FTO: variants seen among roughly 807,000 people sequenced by gnomAD.
The protein encoded by FTO is alpha-ketoglutarate-dependent dioxygenase FTO.
A neutral mutation model predicts 63.9 loss-of-function variants in FTO; 47 were observed. The observed-to-expected ratio is 0.74, with a 90% CI of 0.58 to 0.94. The LOEUF (loss-of-function observed/expected upper bound fraction) is 0.94. Ranked by LOEUF, FTO falls within the 40% of genes least tolerant of loss-of-function variation. The probability of loss-of-function intolerance (pLI) is 0.00; values close to 1 mark genes in which losing one functional copy is unlikely to be tolerated. For synonymous variants in FTO, 207 were observed against 224.4 expected, an observed-to-expected ratio of 0.92 and a Z score of 0.69; for missense variants, 562 against 618.1, an observed-to-expected ratio of 0.91 and a Z score of 0.96.
At chr16:53,855,401 A>G (rs561750043) in intron 4 of FTO, among the ~76,000 whole-genome samples, 1 of 152,282 alleles carries the variant, frequency 6.6e-6, no homozygotes, top group African/African-American at 2.4e-5. Context: ...TTTTCTAAAA[A>G]TTATACCATA....
chr16:54,034,636 G>C (rs116203103), intron 8 of FTO, among the ~76,000 whole-genome samples: 205 of 152,230 alleles, frequency 1.3e-3, no homozygotes, highest in African/African-American at 4.8e-3. Flanking sequence ...TAATAGAGCT[G>C]TTCTCCTAGT....
chr16:53,794,804 A>G (rs2078018276), intron 1 of FTO, among the ~76,000 whole-genome samples: 1 of 152,172 alleles, frequency 6.6e-6, no homozygotes, highest in African/African-American at 2.4e-5. Flanking sequence ...AACACTATGG[A>G]GGGAAAGGTG....
At chr16:54,082,242 G>A (rs542869411) in intron 8 of FTO, among the ~76,000 whole-genome samples, 23 of 152,266 alleles carry the variant, frequency 1.5e-4, no homozygotes, top group African/African-American at 5.3e-4. Context: ...CAATAAACCT[G>A]TAGAAAGCAG....
chr16:53,749,162 TG>T (rs1292380000), intron 1 of FTO, among the ~76,000 whole-genome samples: 2 of 152,252 alleles, frequency 1.3e-5, no homozygotes, highest in African/African-American at 4.8e-5. Flanking sequence ...GTGTTGATTT[TG>T]TATCCTGCAG....
intron 1 of FTO, among the ~76,000 whole-genome samples, chr16:53,767,500 T>C (rs1019866092): frequency 1.3e-5 from 2 of 151,936 alleles, no homozygotes; most frequent in African/African-American, 4.8e-5. Context: ...ACTTAAAGTA[T>C]AATAAAAAAA....
intron 7 of FTO, among the ~76,000 whole-genome samples, chr16:53,918,444 A>G (rs1189612137): frequency 6.6e-6 from 1 of 152,196 alleles, no homozygotes; most frequent in Non-Finnish European, 1.5e-5. Flanking sequence ...ATGGCATGAT[A>G]ATCTTATGAG....
intron 8 of FTO, among the ~76,000 whole-genome samples, chr16:54,055,137 C>T (rs1447305868): frequency 3.9e-5 from 6 of 152,166 alleles, no homozygotes; most frequent in Admixed American, 1.3e-4. Flanking sequence ...GGCGACAGGG[C>T]CCAGGTTTGA....
intron 5 of FTO, among the ~76,000 whole-genome samples, chr16:53,878,998 A>T (rs1222523216): frequency 6.6e-6 from 1 of 152,186 alleles, no homozygotes; most frequent in Non-Finnish European, 1.5e-5. Flanking sequence ...TTGTGATTAT[A>T]ACTGCATTTT....
At chr16:53,711,251 G>A (rs2075768138) in intron 1 of FTO, 4 of 388,454 alleles carry the variant, frequency 1.0e-5, no homozygotes, top group Middle Eastern at 1.3e-3. Context: ...TCTCAAATGG[G>A]GTTCCATTAA....
chr16:54,065,180 T>C (rs1296585908), intron 8 of FTO, among the ~76,000 whole-genome samples: 3 of 151,008 alleles, frequency 2.0e-5, no homozygotes, highest in African/African-American at 7.4e-5. Context: ...ATTTTTGACC[T>C]GGGGTCTTGC....
At chr16:53,880,080 C>T in intron 6 of FTO, 93 bp downstream of exon 6, 10 of 908,092 alleles carry the variant, frequency 1.1e-5, no homozygotes, top group Non-Finnish European at 1.7e-5. Flanking sequence ...CTACAACCTC[C>T]ATCTCCCAGG....
intron 7 of FTO, among the ~76,000 whole-genome samples, chr16:53,922,433 G>A (rs1167693779): frequency 6.6e-6 from 1 of 151,986 alleles, no homozygotes; most frequent in Non-Finnish European, 1.5e-5. Flanking sequence ...GGTGTCTTCT[G>A]GTGTGAGGAT....
At chr16:54,103,402 C>T (rs759166180) in intron 8 of FTO, among the ~76,000 whole-genome samples, 2 of 152,080 alleles carry the variant, frequency 1.3e-5, no homozygotes, top group Non-Finnish European at 2.9e-5. Context: ...ACACTAACTA[C>T]TAAAAAGGTG....
chr16:53,796,893 G>C (rs2078086924), intron 1 of FTO, among the ~76,000 whole-genome samples: 2 of 152,162 alleles, frequency 1.3e-5, no homozygotes, highest in African/African-American at 4.8e-5. Context: ...TAGGAGACAT[G>C]TTCATTATCA....
At chr16:54,100,948 A>C (rs1489807405) in intron 8 of FTO, among the ~76,000 whole-genome samples, 1 of 152,124 alleles carries the variant, frequency 6.6e-6, no homozygotes, top group Non-Finnish European at 1.5e-5. Flanking sequence ...GAAAGCGTGG[A>C]GATGCCTTTG....
chr16:54,005,583 G>T (rs904709450), intron 8 of FTO, among the ~76,000 whole-genome samples: 15 of 152,006 alleles, frequency 9.9e-5, no homozygotes, highest in African/African-American at 3.4e-4. Context: ...CCATTTTACA[G>T]ATGAGAAAAC....
chr16:53,884,591 A>T (rs545533550), intron 6 of FTO, among the ~76,000 whole-genome samples: 273 of 152,170 alleles, frequency 1.8e-3, no homozygotes, highest in Non-Finnish European at 3.0e-3. Flanking sequence ...CAAGAGCCTA[A>T]ATAAACTTGG....
At chr16:53,809,723 C>T (rs1427867704) in intron 1 of FTO, among the ~76,000 whole-genome samples, 7 of 152,070 alleles carry the variant, frequency 4.6e-5, no homozygotes, top group Non-Finnish European at 1.0e-4. Flanking sequence ...GGGAGGATTG[C>T]TTGAGGCCAG....
chr16:53,720,022 A>T (rs2076000176), intron 1 of FTO, among the ~76,000 whole-genome samples: 1 of 151,974 alleles, frequency 6.6e-6, no homozygotes, highest in Admixed American at 6.6e-5. Context: ...AATACCCTGA[A>T]TTCCCCCATT....
Sources: allele counts gnomAD v4.1 joint callset (sites outside exome capture counted in the v4.1 genomes callset), GRCh38; gene constraint gnomAD v4.1.1; transcripts MANE v1.5; gene names NCBI Gene and HGNC (gene_info 2026-07-23, HGNC 2026-07-21).